The following NEK10 variants were observed in gnomAD, a reference collection of about 807,000 sequenced individuals.
NEK10 encodes serine/threonine-protein kinase Nek10.
A neutral mutation model predicts 159.8 loss-of-function variants in NEK10; 122 were observed. The ratio of observed to expected loss-of-function variants is 0.76; its 90% CI spans 0.66 to 0.89. The LOEUF is 0.89. Among genes scored for constraint, NEK10 ranks in the 40% least tolerant of loss-of-function variants. NEK10 has a pLI of 0.00. For missense variants in NEK10, 1,342 were observed against 1,323.1 expected (o/e 1.01, Z -0.22); for synonymous variants, 466 against 457.1 (o/e 1.02, Z -0.25).
intron 28 of NEK10, among the ~76,000 whole-genome samples, chr3:27,173,379 ACTT>A (rs1311308035): frequency 6.6e-6 from 1 of 152,156 alleles, no homozygotes; most frequent in African/African-American, 2.4e-5. Flanking sequence ...TCAGTAATAA[ACTT>A]CTTCTGGAAT....
intron 5 of NEK10, among the ~76,000 whole-genome samples, chr3:27,324,087 G>A (rs1161737858): frequency 6.6e-6 from 1 of 152,134 alleles, no homozygotes; most frequent in Non-Finnish European, 1.5e-5. Flanking sequence ...CTTAGAAGTA[G>A]GAAGTCAGGG....
chr3:27,132,231 G>A (rs770370522), intron 31 of NEK10, among the ~76,000 whole-genome samples: 1 of 152,060 alleles, frequency 6.6e-6, no homozygotes, highest in African/African-American at 2.4e-5. Context: ...TTTCTTCATT[G>A]ATTGATATTA....
intron 10 of NEK10, among the ~76,000 whole-genome samples, 176 bp from the exon 11 acceptor site, chr3:27,308,121 T>G (rs2149576381): frequency 6.6e-6 from 1 of 152,288 alleles, no homozygotes; most frequent in Middle Eastern, 3.4e-3. Flanking sequence ...CTTACAGTCA[T>G]GGTGGAAGAT....
chr3:27,163,398 C>G (rs1459522451), intron 29 of NEK10, among the ~76,000 whole-genome samples: 1 of 151,916 alleles, frequency 6.6e-6, no homozygotes, highest in Non-Finnish European at 1.5e-5. Context: ...GTCACCCAGG[C>G]TGGAGTGCAG....
chr3:27,290,004 G>C (rs940310590), intron 19 of NEK10, among the ~76,000 whole-genome samples: 1 of 152,172 alleles, frequency 6.6e-6, no homozygotes, highest in African/African-American at 2.4e-5. Context: ...TATTCGTGAT[G>C]AATGTGCAAA....
intron 23 of NEK10, among the ~76,000 whole-genome samples, chr3:27,217,752 T>A (rs1951677423): frequency 6.6e-6 from 1 of 151,988 alleles, no homozygotes; most frequent in Admixed American, 6.6e-5. Flanking sequence ...TTCAATAAAA[T>A]ACTAGTAAAC....
chr3:27,361,185 T>C (rs2048659951), intron 1 of NEK10, among the ~76,000 whole-genome samples: 1 of 152,222 alleles, frequency 6.6e-6, no homozygotes, highest in Non-Finnish European at 1.5e-5. Context: ...TTATATCTTT[T>C]ATTGTAAAGG....
chr3:27,115,230 G>A (rs556159743), intron 35 of NEK10, among the ~76,000 whole-genome samples: 1 of 152,296 alleles, frequency 6.6e-6, no homozygotes, highest in East Asian at 1.9e-4. Context: ...GTGGGATCAG[G>A]CTTCAATCAC....
At chr3:27,357,840 T>G (rs1012529642) in intron 1 of NEK10, among the ~76,000 whole-genome samples, 4 of 152,006 alleles carry the variant, frequency 2.6e-5, no homozygotes, top group Non-Finnish European at 4.4e-5. Context: ...ACCCAGAAAT[T>G]GACAACTCCA....
chr3:27,122,742 C>A (rs1175671793), intron 32 of NEK10, among the ~76,000 whole-genome samples: 1 of 152,064 alleles, frequency 6.6e-6, no homozygotes, highest in Non-Finnish European at 1.5e-5. Flanking sequence ...CCTTGGAATT[C>A]TAAAGATTTC....
Position 27,297,244 on chromosome 3 carries a change from G to GA in NEK10, c.1169-5dup. The GA allele has an allele frequency of 6.2e-7, 1 of 1,606,510 alleles. No homozygotes were observed. The highest frequency in any genetic ancestry group is 1.1e-5 in the South Asian group (1 of 90,886). On this transcript the variant is annotated splice_region_variant and splice_polypyrimidine_tract_variant and intron_variant, in intron 13 of 35. Transcript: ENST00000691995. ...TCAGTGAGGGCAGCACAGCAGGCTGGAATGACAACAATCAAATGCATAGTG... is the reference window on the plus strand; with the variant it reads ...TCAGTGAGGGCAGCACAGCAGGCTGGAAATGACAACAATCAAATGCATAGTG...
chr3:27,310,690 G>C (rs1453527426), intron 9 of NEK10: 2 of 340,964 alleles, frequency 5.9e-6, no homozygotes, highest in Non-Finnish European at 1.1e-5. Context: ...TAATATTTAA[G>C]TAATAAACCT....
At position 27,308,091 on chromosome 3, in the gene NEK10, G is replaced by A. The variant is rs2044381543; in HGVS notation, c.717-146C>T. On this transcript the variant is annotated intron_variant, in intron 10 of 35. Coordinates refer to ENST00000691995, the MANE Select transcript of NEK10 (RefSeq NM_001394966.1). The stretch of plus-strand genomic sequence containing the variant: ...TTTACTTGACTCACAGTTCAGCATG[G>A]CTAGGGAGGCCTCAGGAAACTTACA... 3 of 556,816 alleles carry A rather than the reference G, an allele frequency of 5.4e-6. No individual in the cohort carries two copies. In the East Asian group the frequency reaches 9.6e-5, roughly 18 times the overall value. The allele number at this position is 556,816 out of a possible 1,614,324, so 34.5% of individuals were successfully genotyped here. A position where few individuals can be genotyped will look rare whatever the true frequency, so the allele number is the denominator to read the frequency against.
At chr3:27,332,857 C>T (rs1575788616) in intron 5 of NEK10, among the ~76,000 whole-genome samples, 1 of 152,174 alleles carries the variant, frequency 6.6e-6, no homozygotes, top group Non-Finnish European at 1.5e-5. Flanking sequence ...TGGAATCAAA[C>T]TCTACTACAC....
intron 5 of NEK10, among the ~76,000 whole-genome samples, chr3:27,337,511 A>G (rs2046895880): frequency 6.6e-6 from 1 of 152,202 alleles, no homozygotes; most frequent in Non-Finnish European, 1.5e-5. Flanking sequence ...TGAGCAAAAG[A>G]ACAAAGCAGG....
chr3:27,213,226 C>T (rs1466902348), intron 23 of NEK10, among the ~76,000 whole-genome samples: 1 of 152,138 alleles, frequency 6.6e-6, no homozygotes, highest in East Asian at 1.9e-4. Flanking sequence ...CTGTCCAATT[C>T]TTTGTTCAAG....
intron 30 of NEK10, among the ~76,000 whole-genome samples, chr3:27,151,454 G>A (rs1184289120): frequency 1.3e-5 from 2 of 152,120 alleles, no homozygotes; most frequent in African/African-American, 4.8e-5. Flanking sequence ...TAGGAAAAGG[G>A]TAAGAGTACT....
intron 30 of NEK10, 49 bp downstream of exon 30, chr3:27,162,652 G>A: frequency 6.2e-7 from 1 of 1,613,996 alleles, no homozygotes; most frequent in Non-Finnish European, 8.5e-7. Context: ...AAATTACATT[G>A]AATTTTAGAG....
intron 3 of NEK10, 93 bp from the exon 4 acceptor site, chr3:27,346,309 T>C (rs906957837): frequency 4.5e-6 from 6 of 1,338,320 alleles, no homozygotes; most frequent in Admixed American, 1.9e-5. Flanking sequence ...GAGACTGAGA[T>C]TTTTTCCAGG....
Sources: allele counts gnomAD v4.1 joint callset (sites outside exome capture counted in the v4.1 genomes callset), GRCh38; gene constraint gnomAD v4.1.1; transcripts MANE v1.5; gene names NCBI Gene and HGNC (gene_info 2026-07-23, HGNC 2026-07-21).